PLCB4: variants seen among roughly 807,000 people sequenced by gnomAD.
PLCB4 encodes the protein phospholipase C beta 4, also known as 1-phosphatidylinositol 4,5-bisphosphate phosphodiesterase beta-4.
In PLCB4, 77 loss-of-function variants were observed where a neutral mutation model predicts 178.8. The observed-to-expected ratio is 0.43, with a 90% CI of 0.36 to 0.52. The LOEUF is 0.52. Ranked by LOEUF, PLCB4 falls within the 20% of genes least tolerant of loss-of-function variation. The probability of loss-of-function intolerance (pLI) is 0.00; values close to 1 mark genes in which losing one functional copy is unlikely to be tolerated. For missense variants in PLCB4, 1,024 were observed against 1,453.4 expected, an observed-to-expected ratio of 0.70 and a Z score of 4.80; for synonymous variants, 496 against 490.8, an observed-to-expected ratio of 1.01 and a Z score of -0.14.
At chr20:9,408,746 G>T in intron 23 of PLCB4, 29 bp downstream of exon 23, 1 of 1,203,786 alleles carries the variant, frequency 8.3e-7, no homozygotes, top group South Asian at 1.2e-5. Context: ...TGGAATGAGT[G>T]GTTGACTCAC....
At chr20:9,471,492 A>G (rs1263130928) in intron 36 of PLCB4, among the ~76,000 whole-genome samples, 1 of 152,208 alleles carries the variant, frequency 6.6e-6, no homozygotes, top group Non-Finnish European at 1.5e-5. Flanking sequence ...TAAGTCTACT[A>G]TTAAAAAAAA....
At chr20:9,193,018 T>C (rs556165942) in intron 2 of PLCB4, among the ~76,000 whole-genome samples, 3 of 152,326 alleles carry the variant, frequency 2.0e-5, no homozygotes, top group African/African-American at 7.2e-5. Context: ...TCAGGCAAGA[T>C]GCAAAATGCT....
At chr20:9,251,102 C>T (rs904694111) in intron 3 of PLCB4, among the ~76,000 whole-genome samples, 8 of 152,170 alleles carry the variant, frequency 5.3e-5, no homozygotes, top group African/African-American at 1.9e-4. Flanking sequence ...GGTCCTGGAT[C>T]CCCAGTTGCT....
intron 2 of PLCB4, among the ~76,000 whole-genome samples, chr20:9,201,656 GTCA>G (rs1274773019): frequency 1.3e-5 from 2 of 152,146 alleles, no homozygotes; most frequent in African/African-American, 4.8e-5. Context: ...ATTGCAAAGA[GTCA>G]TCATTTTAAA....
At chr20:9,176,888 CA>C (rs748955544) in intron 2 of PLCB4, among the ~76,000 whole-genome samples, 111 of 152,196 alleles carry the variant, frequency 7.3e-4, no homozygotes, top group Non-Finnish European at 1.4e-3. Flanking sequence ...ATAACTGCCA[CA>C]ATTTTGGGGC....
At chr20:9,311,184 G>A (rs1753123218) in intron 4 of PLCB4, among the ~76,000 whole-genome samples, 1 of 151,958 alleles carries the variant, frequency 6.6e-6, no homozygotes, top group African/African-American at 2.4e-5. Flanking sequence ...GGCAGGTCAG[G>A]GCCTTCCCAG....
intron 7 of PLCB4, among the ~76,000 whole-genome samples, chr20:9,339,669 G>A (rs1044508869): frequency 2.0e-5 from 3 of 152,092 alleles, no homozygotes; most frequent in Admixed American, 6.6e-5. Flanking sequence ...AATCTGATGT[G>A]TATTTTCAAA....
At chr20:9,350,026 T>A (rs1008055839) in intron 7 of PLCB4, among the ~76,000 whole-genome samples, 4 of 152,190 alleles carry the variant, frequency 2.6e-5, no homozygotes, top group Non-Finnish European at 4.4e-5. Context: ...GAGCCAGTAA[T>A]TTAATGATCA....
At chr20:9,447,037 T>C (rs1489364672) in intron 32 of PLCB4, among the ~76,000 whole-genome samples, 2 of 152,236 alleles carry the variant, frequency 1.3e-5, no homozygotes, top group Non-Finnish European at 2.9e-5. Flanking sequence ...GTGTTTATCC[T>C]AACACTGATT....
chr20:9,339,632 A>C (rs1393935353), intron 7 of PLCB4, among the ~76,000 whole-genome samples: 1 of 152,170 alleles, frequency 6.6e-6, no homozygotes, highest in African/African-American at 2.4e-5. Flanking sequence ...CATATTTTAC[A>C]TTCTTTTGCT....
At chr20:9,326,786 C>T (rs980873682) in intron 4 of PLCB4, among the ~76,000 whole-genome samples, 4 of 152,036 alleles carry the variant, frequency 2.6e-5, no homozygotes, top group African/African-American at 4.8e-5. Context: ...CAGAAGATGA[C>T]CTTCTGTGCA....
chr20:9,387,163 C>T (rs1381626257), intron 14 of PLCB4, among the ~76,000 whole-genome samples: 4 of 152,022 alleles, frequency 2.6e-5, no homozygotes, highest in South Asian at 4.2e-4. Flanking sequence ...ACACCACGCC[C>T]GGCCCCCAAA....
intron 32 of PLCB4, among the ~76,000 whole-genome samples, chr20:9,445,388 AGG>A (rs941998014): frequency 9.2e-5 from 14 of 152,194 alleles, no homozygotes; most frequent in African/African-American, 3.4e-4. Flanking sequence ...CCTCAAACCA[AGG>A]CATGTCCTTC....
At chr20:9,476,470 C>T (rs546145705) in intron 38 of PLCB4, among the ~76,000 whole-genome samples, 2 of 152,322 alleles carry the variant, frequency 1.3e-5, no homozygotes, top group South Asian at 2.1e-4. Flanking sequence ...TCTCCACTTA[C>T]TGCCACAGAA....
chr20:9,229,541 A>C (rs574901854), intron 3 of PLCB4, among the ~76,000 whole-genome samples: 2 of 152,084 alleles, frequency 1.3e-5, no homozygotes, highest in Admixed American at 1.3e-4. Flanking sequence ...GTCAACAGGG[A>C]TTCCCTTTCA....
chr20:9,440,958 G>A (rs891233119), intron 30 of PLCB4, among the ~76,000 whole-genome samples: 10 of 152,174 alleles, frequency 6.6e-5, no homozygotes, highest in African/African-American at 2.4e-4. Context: ...CTTGGAGGAA[G>A]GGCAGTTTCA....
chr20:9,178,575 T>G (rs927112180), intron 2 of PLCB4, among the ~76,000 whole-genome samples: 1 of 151,536 alleles, frequency 6.6e-6, no homozygotes, highest in African/African-American at 2.4e-5. Context: ...AAAGATATAT[T>G]TCAAGTAAAG....
intron 12 of PLCB4, 99 bp downstream of exon 12, chr20:9,373,203 T>G (rs1160491679): frequency 6.6e-6 from 4 of 607,062 alleles, no homozygotes; most frequent in Non-Finnish European, 1.2e-5. Context: ...CCTTATTCGC[T>G]TTGCTTCTGA....
At chr20:9,394,913 ACCT>A (rs1250451962) in intron 18 of PLCB4, among the ~76,000 whole-genome samples, 2 of 152,030 alleles carry the variant, frequency 1.3e-5, no homozygotes, top group African/African-American at 4.8e-5. Flanking sequence ...AAAAATTGGT[ACCT>A]TAGGGGTTTT....
Sources: gnomAD v4.1 joint callset for allele counts (sites outside exome capture counted in the v4.1 genomes callset) on GRCh38, gnomAD v4.1.1 for gene constraint, MANE v1.5 for transcripts, NCBI Gene and HGNC (gene_info 2026-07-23, HGNC 2026-07-21) for gene names.